The following MMP14 variants were observed in gnomAD, a reference collection of about 807,000 sequenced individuals.
MMP14 encodes the protein matrix metallopeptidase 14.
Under a neutral mutation model 64.8 loss-of-function variants are expected in MMP14, and 13 were observed. The ratio of observed to expected loss-of-function variants is 0.20; its 90% CI spans 0.13 to 0.32. MMP14 has a LOEUF of 0.32. MMP14 is among the 10% of genes least tolerant of loss of function. The pLI is 1.00. For missense variants in MMP14, 594 were observed against 783.8 expected (o/e 0.76, Z 2.89); for synonymous variants, 322 against 315.9 (o/e 1.02, Z -0.20).
At chr14:22,841,367 C>A in intron 1 of MMP14, 124 bp from the exon 2 acceptor site, 1 of 1,279,358 alleles carries the variant, frequency 7.8e-7, no homozygotes, top group Non-Finnish European at 1.1e-6. Context: ...GCTGCCGGAG[C>A]CAAGCTGGGA....
At position 22,844,386 on chromosome 14, in the gene MMP14, CG is replaced by C; in HGVS notation, c.1030del (p.Val344Ter). The C allele has an allele frequency of 1.2e-6, 2 of 1,614,032 alleles. No homozygotes were observed. The highest frequency in any genetic ancestry group is 1.7e-6 in the Non-Finnish European group (2 of 1,179,992). On this transcript the variant is annotated frameshift_variant, in exon 7 of 10. Transcript: ENST00000311852. LOFTEE classifies it high-confidence loss of function. ...MFVFKERWFW[R>X]VRNNQVMDGY... Reference sequence around the variant, plus strand: ...CGGCTTCCAGGAGCGCTGGTTCTGGCGGGTGAGGAATAACCAAGTGATGGAT... The same window carrying C: ...CGGCTTCCAGGAGCGCTGGTTCTGGCGGTGAGGAATAACCAAGTGATGGAT...
At chr14:22,845,112 G>A (rs2039802720) in intron 8 of MMP14, 139 bp from the exon 9 acceptor site, 2 of 660,264 alleles carry the variant, frequency 3.0e-6, no homozygotes, top group Admixed American at 5.3e-5. Context: ...GCTTTCAGCA[G>A]CAGGTCCTCA....
Position 22,844,114 on chromosome 14 carries a change from G to A in MMP14, c.1011+244G>A, listed in dbSNP as rs554535248. On this transcript the variant is annotated intron_variant, in intron 6 of 9. Transcript: ENST00000311852. ...TGGGAGGCTGAGGCAGGAGAATCACGTGAACCTGGGAGGTGGAGGTTGCAG... is the reference window on the plus strand; with the variant it reads ...TGGGAGGCTGAGGCAGGAGAATCACATGAACCTGGGAGGTGGAGGTTGCAG... 1.1e-3 allele frequency among the ~76,000 whole-genome samples: 172 copies of A among 151,984 alleles called. 1 individual carries two copies. The highest frequency in any genetic ancestry group is 2.3e-3 in the South Asian group (11 of 4,816).
intron 2 of MMP14, 63 bp from the exon 3 acceptor site, chr14:22,841,850 G>A (rs529998996): frequency 2.1e-5 from 33 of 1,606,488 alleles, no homozygotes; most frequent in Middle Eastern, 1.7e-4. Flanking sequence ...AACACTGATC[G>A]TGGAGACCTT....
Position 22,846,296 on chromosome 14 carries a change from G to A in MMP14, c.*257G>A. On this transcript the variant is annotated 3_prime_UTR_variant, in exon 10 of 10. Coordinates refer to ENST00000311852, the MANE Select transcript of MMP14 (RefSeq NM_004995.4). ...CCTTTCCAGCCTCTGCCCCTCAGGG[G>A]AACCCTGTAGCTTTGTGTCTGTCCA... 2 of 501,730 alleles carry A rather than the reference G, an allele frequency of 4.0e-6. No individual in the cohort carries two copies. Among genetic ancestry groups the A allele is most frequent in the Non-Finnish European group, 3.5e-6 (1 of 285,196 alleles). 31.1% of individuals were successfully genotyped at this position (501,730 alleles called of 1,614,324 possible).
Position 22,841,954 on chromosome 14 carries a change from G to C in MMP14, c.299G>C (p.Gly100Ala), listed in dbSNP as rs780457340. 83 of 1,614,114 alleles carry C rather than the reference G, an allele frequency of 5.1e-5. No homozygotes were observed. The highest frequency in any genetic ancestry group is 1.7e-5 in the Admixed American group (1 of 60,016). Residue 100 changes from glycine (G) to alanine (A), a missense_variant, in exon 3 of 10, where the codon GGG becomes GCG. Gly to Ala is a moderately conservative substitution (Grantham distance 60). This residue lies in a region of MMP14 where 179 missense variants were observed against 283.4 expected (regional missense o/e 0.63). Transcript: ENST00000311852. ...CGATGTGGTGTTCCAGACAAGTTTG[G>C]GGCTGAGATCAAGGCCAATGTTCGA... ...RPRCGVPDKFGAEIKANVRRK... is the reference protein window; with the variant it reads ...RPRCGVPDKFAAEIKANVRRK...
intron 6 of MMP14, among the ~76,000 whole-genome samples, chr14:22,844,135 T>C (rs1330144470): frequency 6.6e-6 from 1 of 151,292 alleles, no homozygotes; most frequent in Non-Finnish European, 1.5e-5. Context: ...AGGTGGAGGT[T>C]GCAGTGAGCC....
rs1192014290 is a variant in MMP14 at position 22,846,598 on chromosome 14, C to T, written c.*559C>T. On this transcript the variant is annotated 3_prime_UTR_variant, in exon 10 of 10. Transcript: ENST00000311852. ...AGGGGGTGGGGACTGCCAAGCCACC[C>T]TAAGACCTTGGGAGGAAAACTCAGA... The T allele has an allele frequency of 1.3e-5, 2 of 153,018 alleles. No individual in the cohort carries two copies. The highest frequency in any genetic ancestry group is 4.8e-5 in the African/African-American group (2 of 41,448). The allele number at this position is 153,018 out of a possible 1,614,324, so 9.5% of individuals were successfully genotyped here. A position where few individuals can be genotyped will look rare whatever the true frequency, so the allele number is the denominator to read the frequency against.
Position 22,843,705 on chromosome 14 carries a change from C to T in MMP14, c.851-5C>T. The T allele has an allele frequency of 1.3e-6, 2 of 1,589,068 alleles. No individual in the cohort carries two copies. The highest frequency in any genetic ancestry group is 1.7e-6 in the Non-Finnish European group (2 of 1,172,654). ...CTGAAATGCCCCTCGTGTTTTCTGC[C>T]CCAGGGGGTGAGTCAGGGTTCCCCA... On this transcript the variant is annotated splice_region_variant and splice_polypyrimidine_tract_variant and intron_variant, in intron 5 of 9. Transcript: ENST00000311852. The surrounding 1 kb of genome is among the most constrained non-coding windows in gnomAD (Gnocchi z 4.8).
chr14:22,842,338 T>A lies in MMP14; in HGVS notation c.381-72T>A, dbSNP rs1276720616. The A allele has an allele frequency of 3.5e-5, 54 of 1,523,474 alleles. No individual in the cohort carries two copies. In the East Asian group the frequency reaches 6.6e-4, roughly 19 times the overall value. The allele number at this position is 1,523,474 out of a possible 1,614,324, so 94.4% of individuals were successfully genotyped here. On this transcript the variant is annotated intron_variant, in intron 3 of 9. Transcript: ENST00000311852. The surrounding 1 kb of genome is among the most constrained non-coding windows in gnomAD (Gnocchi z 5.3). ...GGCCGCGCAGTCAGACCTGGGAGAG[T>A]GCAGGGAAGGAGAATGTTGCCCCTC...
At chr14:22,844,832 C>G in intron 8 of MMP14, 52 bp downstream of exon 8, 1 of 1,608,422 alleles carries the variant, frequency 6.2e-7, no homozygotes, top group Non-Finnish European at 8.5e-7. Context: ...CACCACCACC[C>G]CAAATTCCCT....
At chr14:22,844,243 G>A in intron 6 of MMP14, 128 bp from the exon 7 acceptor site, 6 of 1,362,030 alleles carry the variant, frequency 4.4e-6, no homozygotes, top group South Asian at 1.4e-5. Flanking sequence ...GCGGCTGGGT[G>A]GAAGTGACAA....
At chr14:22,845,415 A>G (rs2039805410) in intron 9 of MMP14, 49 bp downstream of exon 9, 1 of 1,372,608 alleles carries the variant, frequency 7.3e-7, no homozygotes, top group Non-Finnish European at 1.0e-6. Context: ...GGGAATAGGG[A>G]GTTGAGGAAG....
chr14:22,836,671 C>G lies in MMP14; in HGVS notation c.-147C>G. On this transcript the variant is annotated 5_prime_UTR_variant, in exon 1 of 10. Transcript: ENST00000311852. ...AACAGGCACTTTGAGGAACAATCCC[C>G]TTTAACTCCAAGCCGACAGCGGTCT... is the stretch of plus-strand genomic sequence containing the variant. The G allele has an allele frequency of 1.8e-6, 1 of 549,536 alleles. No homozygotes were observed. Among genetic ancestry groups the G allele is most frequent in the Non-Finnish European group, 3.2e-6 (1 of 311,506 alleles). 34.0% of individuals were successfully genotyped at this position (549,536 alleles called of 1,614,324 possible).
chr14:22,836,897 C>T lies in MMP14; in HGVS notation c.80C>T (p.Ser27Leu). ...TLGTALASLG[S>L]AQSSSFSPEA... ...GGCACCGCGCTCGCCTCCCTCGGCTCGGCCCAAAGCAGCAGCTTCAGCCCC... is the reference window on the plus strand; with the variant it reads ...GGCACCGCGCTCGCCTCCCTCGGCTTGGCCCAAAGCAGCAGCTTCAGCCCC... Residue 27 changes from serine (S) to leucine (L), a missense_variant, in exon 1 of 10, where the codon TCG becomes TTG. This residue lies in a region of MMP14 where 45 missense variants were observed against 48.8 expected (regional missense o/e 0.92). Coordinates refer to ENST00000311852, the MANE Select transcript of MMP14 (RefSeq NM_004995.4). The T allele has an allele frequency of 1.2e-6, 2 of 1,613,770 alleles. No individual in the cohort carries two copies. The highest frequency in any genetic ancestry group is 1.7e-6 in the Non-Finnish European group (2 of 1,179,824).
chr14:22,838,611 C>T (rs907927738), intron 1 of MMP14, among the ~76,000 whole-genome samples: 1 of 152,294 alleles, frequency 6.6e-6, no homozygotes, highest in South Asian at 2.1e-4. Context: ...GTTCTTTGAC[C>T]CAACATAGTT....
In MMP14 at chr14:22,843,915, G is replaced by T. The variant is rs1334882844; in HGVS notation, c.1011+45G>T. On this transcript the variant is annotated intron_variant, in intron 6 of 9. Coordinates refer to ENST00000311852, the MANE Select transcript of MMP14 (RefSeq NM_004995.4). This position sits in a 1 kb window ranked among gnomAD's most constrained non-coding sequence, Gnocchi z 4.8. ...TTTGAAAGACAAAAGGGCCCTATGGGCTGGGCATGGTGGCTCATGCCTGTA... is the reference window on the plus strand; with the variant it reads ...TTTGAAAGACAAAAGGGCCCTATGGTCTGGGCATGGTGGCTCATGCCTGTA... 2 of 1,595,510 alleles carry T rather than the reference G, an allele frequency of 1.3e-6. No individual in the cohort carries two copies. Among genetic ancestry groups the T allele is most frequent in the East Asian group, 2.2e-5 (1 of 44,664 alleles).
chr14:22,845,423 A>C, intron 9 of MMP14, 57 bp downstream of exon 9: 1 of 1,323,462 alleles, frequency 7.6e-7, no homozygotes, highest in South Asian at 1.3e-5. Flanking sequence ...GGAGTTGAGG[A>C]AGAGCGGGAG....
intron 9 of MMP14, 23 bp from the exon 10 acceptor site, chr14:22,845,685 A>T (rs1017705479): frequency 3.7e-6 from 6 of 1,611,218 alleles, no homozygotes; most frequent in Middle Eastern, 1.7e-4. Context: ...CTTCCTTACC[A>T]CCTTCTGATT....
Sources: allele counts gnomAD v4.1 joint callset (sites outside exome capture counted in the v4.1 genomes callset), GRCh38; gene constraint gnomAD v4.1.1; regional missense constraint gnomAD v4.1.1; non-coding constraint Gnocchi (gnomAD v3.1); transcripts MANE v1.5; gene names NCBI Gene and HGNC (gene_info 2026-07-23, HGNC 2026-07-21).